Variants in TCERG1L observed in about 807,000 individuals in gnomAD.
TCERG1L encodes the protein transcription elongation regulator 1 like.
A neutral mutation model predicts 56.3 loss-of-function variants in TCERG1L; 37 were observed. That is an observed-to-expected ratio of 0.66 (90% CI 0.51 to 0.87). The LOEUF (loss-of-function observed/expected upper bound fraction) is 0.87, where lower values mean the gene tolerates loss of function less well. Among genes scored for constraint, TCERG1L ranks in the 40% least tolerant of loss-of-function variants. The pLI, the probability that TCERG1L is intolerant of heterozygous loss-of-function variation, is 0.00. For synonymous variants in TCERG1L, 324 were observed against 326.3 expected, an observed-to-expected ratio of 0.99 and a Z score of 0.08; for missense variants, 799 against 774.2, an observed-to-expected ratio of 1.03 and a Z score of -0.38.
chr10:131,208,227 C>T (rs894224394), intron 4 of TCERG1L, among the ~76,000 whole-genome samples: 1 of 152,210 alleles, frequency 6.6e-6, no homozygotes, highest in East Asian at 1.9e-4. Context: ...ATTCAACACC[C>T]CTCCTCCATG....
chr10:131,139,240 A>G (rs1024689359), intron 7 of TCERG1L, among the ~76,000 whole-genome samples: 15 of 152,390 alleles, frequency 9.8e-5, no homozygotes, highest in Non-Finnish European at 2.1e-4. Flanking sequence ...AATTCTAATA[A>G]TGTGAAATTA....
intron 4 of TCERG1L, among the ~76,000 whole-genome samples, chr10:131,259,616 C>T (rs1290739283): frequency 2.0e-5 from 3 of 152,210 alleles, no homozygotes; most frequent in African/African-American, 7.2e-5. Flanking sequence ...CCCTGAGTGC[C>T]TCATCAATGC....
chr10:131,231,132 C>T (rs796892455), intron 4 of TCERG1L, among the ~76,000 whole-genome samples: 1 of 118,990 alleles, frequency 8.4e-6, no homozygotes, highest in African/African-American at 2.6e-5. Context: ...CCAAGTGTAC[C>T]GAGTTCCAAG....
chr10:131,239,601 C>T (rs1034774902), intron 4 of TCERG1L, among the ~76,000 whole-genome samples: 9 of 152,220 alleles, frequency 5.9e-5, no homozygotes, highest in African/African-American at 1.7e-4. Context: ...AGACATCCAT[C>T]GCACCAGAGT....
chr10:131,160,663 A>G (rs2944529), intron 6 of TCERG1L: 101,959 of 152,134 alleles, frequency 0.67, 35,054 homozygotes, highest in African/African-American at 0.83. Context: ...GTGCCCGAAC[A>G]TCTCCTGCCG....
rs114075955 is a variant in TCERG1L at position 131,173,756 on chromosome 10, G to A, written c.857-6871C>T. 1.9e-3 allele frequency among the ~76,000 whole-genome samples: 293 copies of A among 152,352 alleles called. 2 individuals carry two copies. The highest frequency in any genetic ancestry group is 6.7e-3 in the African/African-American group (278 of 41,588). ...GGTTGGTGGCAGCTGGGAGCAGAGA[G>A]GCACGGCCTGGAGGTGCCTCCCTAA... On this transcript the variant is annotated intron_variant, in intron 4 of 11. Coordinates refer to ENST00000368642, the MANE Select transcript of TCERG1L (RefSeq NM_174937.4).
At chr10:131,229,412 C>G (rs1311615669) in intron 4 of TCERG1L, among the ~76,000 whole-genome samples, 1 of 152,220 alleles carries the variant, frequency 6.6e-6, no homozygotes, top group Non-Finnish European at 1.5e-5. Flanking sequence ...AAACCCCAGC[C>G]GTCAATGACA....
chr10:131,111,843 G>A (rs1259614418), intron 9 of TCERG1L, among the ~76,000 whole-genome samples: 1 of 143,442 alleles, frequency 7.0e-6, no homozygotes, highest in African/African-American at 2.5e-5. Flanking sequence ...ACTGCTCCAA[G>A]GTGTTGAGGG....
chr10:131,201,445 G>C (rs191130989), intron 4 of TCERG1L, among the ~76,000 whole-genome samples: 1 of 152,140 alleles, frequency 6.6e-6, no homozygotes, highest in Non-Finnish European at 1.5e-5. Flanking sequence ...CCGGGGTCTC[G>C]TAAGGCGCCA....
At chr10:131,224,532 T>C (rs1211614923) in intron 4 of TCERG1L, among the ~76,000 whole-genome samples, 1 of 152,202 alleles carries the variant, frequency 6.6e-6, no homozygotes, top group Non-Finnish European at 1.5e-5. Context: ...CCAGTGTCTG[T>C]TGTCTGATTG....
intron 4 of TCERG1L, among the ~76,000 whole-genome samples, chr10:131,171,525 C>T (rs1187620516): frequency 6.6e-6 from 1 of 152,224 alleles, no homozygotes; most frequent in Non-Finnish European, 1.5e-5. Context: ...ATGTAGTCAT[C>T]ACACACCCTA....
At chr10:131,271,717 G>A (rs1420539004) in intron 3 of TCERG1L, among the ~76,000 whole-genome samples, 3 of 152,214 alleles carry the variant, frequency 2.0e-5, no homozygotes, top group East Asian at 1.9e-4. Context: ...GAATGCCCAT[G>A]TGGAGGGAAG....
intron 4 of TCERG1L, among the ~76,000 whole-genome samples, chr10:131,256,905 G>A (rs909292147): frequency 6.9e-6 from 1 of 144,216 alleles, no homozygotes; most frequent in African/African-American, 2.6e-5. Context: ...AAGAGAGAAA[G>A]ACAAAGAAGG....
At chr10:131,219,275 G>C (rs1338048404) in intron 4 of TCERG1L, among the ~76,000 whole-genome samples, 1 of 152,186 alleles carries the variant, frequency 6.6e-6, no homozygotes, top group South Asian at 2.1e-4. Flanking sequence ...CTGCTTCCAG[G>C]AGAGCCCCTG....
At chr10:131,148,229 G>C (rs1392968763) in intron 6 of TCERG1L, among the ~76,000 whole-genome samples, 1 of 152,200 alleles carries the variant, frequency 6.6e-6, no homozygotes, top group African/African-American at 2.4e-5. Flanking sequence ...AATCACAAGG[G>C]TCCTTCTAAG....
chr10:131,270,553 G>C (rs989123801), intron 3 of TCERG1L, among the ~76,000 whole-genome samples: 2 of 152,192 alleles, frequency 1.3e-5, no homozygotes, highest in Non-Finnish European at 2.9e-5. Flanking sequence ...TTCCCTTGAG[G>C]GCAGGTTGAG....
chr10:131,193,852 AT>A (rs1037996165), intron 4 of TCERG1L, among the ~76,000 whole-genome samples: 4 of 152,118 alleles, frequency 2.6e-5, no homozygotes, highest in African/African-American at 9.6e-5. Context: ...GAATTTTAGA[AT>A]TTTTTTTCTA....
At chr10:131,240,078 G>A (rs1845954231) in intron 4 of TCERG1L, among the ~76,000 whole-genome samples, 1 of 152,188 alleles carries the variant, frequency 6.6e-6, no homozygotes, top group South Asian at 2.1e-4. Context: ...GGTCCCTGTG[G>A]TGGGACACGA....
intron 3 of TCERG1L, among the ~76,000 whole-genome samples, chr10:131,275,650 A>C (rs1014554806): frequency 9.2e-5 from 14 of 152,218 alleles, no homozygotes; most frequent in African/African-American, 3.1e-4. Flanking sequence ...GGGTTCCCTC[A>C]GGTTCCAGAA....
Sources: allele counts gnomAD v4.1 joint callset (sites outside exome capture counted in the v4.1 genomes callset), GRCh38; gene constraint gnomAD v4.1.1; transcripts MANE v1.5; gene names NCBI Gene and HGNC (gene_info 2026-07-23, HGNC 2026-07-21).